The following OR1J2 variants were observed in gnomAD, a reference collection of about 807,000 sequenced individuals.
OR1J2 encodes the protein olfactory receptor family 1 subfamily J member 2.
For missense variants in OR1J2, 304 were observed against 246.1 expected (o/e 1.24, Z -1.57); for synonymous variants, 142 against 99.7 (o/e 1.42, Z -2.52).
At chr9:122,480,239 T>G in the OR1J2 span, among the ~76,000 whole-genome samples, 11 of 152,056 alleles carry the variant, frequency 7.2e-5, no homozygotes, top group African/African-American at 2.4e-4. Flanking sequence ...AATATAGAGC[T>G]TAGAAATAGA....
chr9:122,562,781 G>A, the OR1J2 span, among the ~76,000 whole-genome samples: 2 of 152,042 alleles, frequency 1.3e-5, no homozygotes, highest in African/African-American at 2.4e-5. Context: ...GTCCTTCTGT[G>A]CCTAGCTTAT....
chr9:122,447,538 G>A, the OR1J2 span: 3 of 152,120 alleles, frequency 2.0e-5, no homozygotes, highest in Admixed American at 6.6e-5. Context: ...GCATACTCAA[G>A]TATCTCTGTA....
chr9:122,526,742 C>A, the OR1J2 span: 2 of 1,614,122 alleles, frequency 1.2e-6, no homozygotes, highest in East Asian at 4.5e-5. Flanking sequence ...AACATGACAG[C>A]TTCAGGACAG....
the OR1J2 span, chr9:122,520,192 A>C: frequency 1.5e-6 from 1 of 679,480 alleles, no homozygotes; most frequent in Non-Finnish European, 2.4e-6. Context: ...TGATGACTTG[A>C]ATTGCATCCT....
At chr9:122,547,805 T>C in the OR1J2 span, among the ~76,000 whole-genome samples, 1 of 152,202 alleles carries the variant, frequency 6.6e-6, no homozygotes, top group African/African-American at 2.4e-5. Context: ...TTTGAGTATA[T>C]ACCTAGTAGT....
At chr9:122,534,981 A>G in the OR1J2 span, among the ~76,000 whole-genome samples, 2 of 152,120 alleles carry the variant, frequency 1.3e-5, no homozygotes, top group African/African-American at 4.8e-5. Context: ...AAAATAAGGC[A>G]TTTAGGTTTT....
chr9:122,526,712 C>T, the OR1J2 span: 16 of 1,614,158 alleles, frequency 9.9e-6, no homozygotes, highest in South Asian at 1.3e-4. Context: ...AAACCATCAT[C>T]TCGTTGATGT....
the OR1J2 span, among the ~76,000 whole-genome samples, chr9:122,539,186 T>C: frequency 6.6e-6 from 1 of 152,218 alleles, no homozygotes; most frequent in Non-Finnish European, 1.5e-5. Flanking sequence ...GTTACATATG[T>C]ATACATGTGT....
At chr9:122,472,898 G>A in the OR1J2 span, among the ~76,000 whole-genome samples, 1 of 152,138 alleles carries the variant, frequency 6.6e-6, no homozygotes, top group African/African-American at 2.4e-5. Flanking sequence ...GCTCCTGAGT[G>A]GATCTGCACT....
chr9:122,508,935 T>G (rs1828579818), upstream of OR1J2, among the ~76,000 whole-genome samples: 1 of 152,234 alleles, frequency 6.6e-6, no homozygotes, highest in Non-Finnish European at 1.5e-5. Flanking sequence ...TTCTTGCTTT[T>G]TTCTAGCTTG....
chr9:122,535,091 G>A, the OR1J2 span, among the ~76,000 whole-genome samples: 3 of 151,756 alleles, frequency 2.0e-5, no homozygotes, highest in East Asian at 3.9e-4. Context: ...AGTGAAGGAG[G>A]CAAGCCTAGA....
chr9:122,545,896 T>G, the OR1J2 span, among the ~76,000 whole-genome samples: 2 of 145,270 alleles, frequency 1.4e-5, no homozygotes, highest in Non-Finnish European at 3.0e-5. Context: ...TATTTATCAG[T>G]GGAGAATTAG....
the OR1J2 span, among the ~76,000 whole-genome samples, chr9:122,450,612 C>G: frequency 6.6e-6 from 1 of 152,182 alleles, no homozygotes; most frequent in South Asian, 2.1e-4. Flanking sequence ...CATCTAAAAT[C>G]TACTCTTTCA....
the OR1J2 span, chr9:122,519,396 C>A: frequency 6.2e-7 from 1 of 1,614,162 alleles, no homozygotes; most frequent in East Asian, 2.2e-5. Context: ...ATTAAGCATG[C>A]AAACTCAGGA....
At chr9:122,528,752 C>T in the OR1J2 span, among the ~76,000 whole-genome samples, 1 of 152,240 alleles carries the variant, frequency 6.6e-6, no homozygotes, top group African/African-American at 2.4e-5. Context: ...GAAAATTTTG[C>T]TTAGTCCAAC....
chr9:122,456,777 T>A, the OR1J2 span, among the ~76,000 whole-genome samples: 6 of 152,276 alleles, frequency 3.9e-5, no homozygotes, highest in South Asian at 1.2e-3. Context: ...TTGCTGGGAA[T>A]GTAAATTAGT....
the OR1J2 span, among the ~76,000 whole-genome samples, chr9:122,459,973 C>T: frequency 6.6e-6 from 1 of 151,904 alleles, no homozygotes; most frequent in Admixed American, 6.6e-5. Context: ...ATTTTTGCAC[C>T]AACCTAATAT....
the OR1J2 span, among the ~76,000 whole-genome samples, chr9:122,537,502 G>A: frequency 6.6e-6 from 1 of 152,234 alleles, no homozygotes; most frequent in South Asian, 2.1e-4. Context: ...TTACTCTTTT[G>A]CTTCAGGTTA....
At chr9:122,563,929 GATTT>G in the OR1J2 span, among the ~76,000 whole-genome samples, 2 of 152,132 alleles carry the variant, frequency 1.3e-5, no homozygotes, top group Non-Finnish European at 2.9e-5. Flanking sequence ...ATAGATACAT[GATTT>G]ATTTTTGGGT....
Sources: gnomAD v4.1 joint callset for allele counts (sites outside exome capture counted in the v4.1 genomes callset) on GRCh38, gnomAD v4.1.1 for gene constraint, MANE v1.5 for transcripts, NCBI Gene and HGNC (gene_info 2026-07-23, HGNC 2026-07-21) for gene names.